Variants in ATP2A2 observed in about 807,000 individuals in gnomAD.
ATP2A2 encodes ATPase sarcoplasmic/endoplasmic reticulum Ca2+ transporting 2, also known as sarcoplasmic/endoplasmic reticulum calcium ATPase 2.
A neutral mutation model predicts 109.3 loss-of-function variants in ATP2A2; 14 were observed. The ratio of observed to expected loss-of-function variants is 0.13; its 90% CI spans 0.08 to 0.20. ATP2A2 has a LOEUF of 0.20. ATP2A2 is among the 10% of genes least tolerant of loss of function. ATP2A2 has a pLI of 1.00. For missense variants in ATP2A2, 657 were observed against 1,321.6 expected (o/e 0.50, Z 7.80); for synonymous variants, 506 against 490.9 (o/e 1.03, Z -0.41).
chr12:110,314,565 A>G (rs1327839348), intron 5 of ATP2A2, among the ~76,000 whole-genome samples: 1 of 152,286 alleles, frequency 6.6e-6, no homozygotes, highest in Non-Finnish European at 1.5e-5. Flanking sequence ...AGTTCATGGT[A>G]TGGTTGTGAA....
At position 110,349,022 on chromosome 12, in the gene ATP2A2, C is replaced by T. The variant is rs1880149026; in HGVS notation, c.*2552C>T. 1 of 985,310 alleles carries T rather than the reference C, an allele frequency of 1.0e-6. No individual in the cohort carries two copies. Among genetic ancestry groups the T allele is most frequent in the African/African-American group, 1.7e-5 (1 of 57,224 alleles). 61.0% of individuals were successfully genotyped at this position (985,310 alleles called of 1,614,324 possible). Reference sequence around the variant, plus strand: ...TGTGTGGCCTGCTGTCGCACAGCCCCTAGTTAGCTTCATGGTTTCTCAGCT... The same window carrying T: ...TGTGTGGCCTGCTGTCGCACAGCCCTTAGTTAGCTTCATGGTTTCTCAGCT... On this transcript the variant is annotated 3_prime_UTR_variant, in exon 20 of 20. Transcript: ENST00000539276.
chr12:110,326,532 T>C (rs551637459), intron 7 of ATP2A2, 57 bp downstream of exon 7: 1 of 1,472,940 alleles, frequency 6.8e-7, no homozygotes, highest in African/African-American at 1.4e-5. Context: ...CCTAATCAAA[T>C]GTTATGTTTT....
At chr12:110,335,933 T>C (rs555868792) in intron 11 of ATP2A2, among the ~76,000 whole-genome samples, 1 of 152,208 alleles carries the variant, frequency 6.6e-6, no homozygotes, top group Non-Finnish European at 1.5e-5. Flanking sequence ...GGTGATTGCT[T>C]GTTGGGCAAG....
At chr12:110,320,849 G>T (rs893965579) in intron 5 of ATP2A2, among the ~76,000 whole-genome samples, 2 of 152,176 alleles carry the variant, frequency 1.3e-5, no homozygotes. Flanking sequence ...TTGTTTTTAT[G>T]CACTCAAATT....
intron 3 of ATP2A2, among the ~76,000 whole-genome samples, chr12:110,291,453 G>T (rs1873285317): frequency 6.6e-6 from 1 of 151,922 alleles, no homozygotes; most frequent in Non-Finnish European, 1.5e-5. Flanking sequence ...TGATCTGCCC[G>T]CCTCAGCCTC....
At chr12:110,323,400 G>T (rs1431997773) in intron 6 of ATP2A2, among the ~76,000 whole-genome samples, 9 of 152,112 alleles carry the variant, frequency 5.9e-5, no homozygotes, top group African/African-American at 1.9e-4. Flanking sequence ...GGTCAGGCTG[G>T]TCTTGAACTC....
chr12:110,346,874 C>T lies in ATP2A2; in HGVS notation c.*404C>T. The T allele has an allele frequency of 9.1e-7, 1 of 1,099,594 alleles. No homozygotes were observed. Among genetic ancestry groups the T allele is most frequent in the Non-Finnish European group, 1.1e-6 (1 of 899,232 alleles). The allele number at this position is 1,099,594 out of a possible 1,614,324, so 68.1% of individuals were successfully genotyped here. A position where few individuals can be genotyped will look rare whatever the true frequency, so the allele number is the denominator to read the frequency against. ...TAAAACTAAATAGCATGTATTGTGT[C>T]TTTTGCATGATGATCCGGATTTAAT... is the stretch of plus-strand genomic sequence containing the variant. On this transcript the variant is annotated 3_prime_UTR_variant, in exon 20 of 20. Transcript: ENST00000539276.
intron 5 of ATP2A2, among the ~76,000 whole-genome samples, chr12:110,310,543 C>A (rs1258089320): frequency 6.6e-6 from 1 of 152,132 alleles, no homozygotes; most frequent in African/African-American, 2.4e-5. Context: ...ATCTTGGTAA[C>A]CCAGGGTTGA....
In ATP2A2 at chr12:110,329,224, T is replaced by C. The variant is rs78963990; in HGVS notation, c.1095+1207T>C. Among the ~76,000 whole-genome samples the C allele has an allele frequency of 5.9e-3, 897 of 152,334 alleles. 3 individuals carry two copies. Among genetic ancestry groups the C allele is most frequent in the African/African-American group, 0.021 (858 of 41,558 alleles). On this transcript the variant is annotated intron_variant, in intron 8 of 19. Coordinates refer to ENST00000539276, the MANE Select transcript of ATP2A2 (RefSeq NM_170665.4). ...ATGTAAATAGTTAAACTGTGTTGTT[T>C]AGGGATAGTTAACCTGTGTTGTTTA...
intron 3 of ATP2A2, among the ~76,000 whole-genome samples, chr12:110,287,500 T>C (rs1872781752): frequency 6.6e-6 from 1 of 152,188 alleles, no homozygotes; most frequent in Non-Finnish European, 1.5e-5. Flanking sequence ...AAGACAGGTA[T>C]TATTGTATTT....
chr12:110,288,912 C>A (rs1036992460), intron 3 of ATP2A2, among the ~76,000 whole-genome samples: 6 of 152,182 alleles, frequency 3.9e-5, no homozygotes, highest in African/African-American at 1.4e-4. Flanking sequence ...TACCCCATCT[C>A]CCTCCCAGTC....
intron 5 of ATP2A2, among the ~76,000 whole-genome samples, chr12:110,307,622 A>T (rs916394914): frequency 6.6e-6 from 1 of 152,016 alleles, no homozygotes; most frequent in African/African-American, 2.4e-5. Flanking sequence ...ATTTTTTCCT[A>T]TGTTGACTAC....
chr12:110,319,942 GT>G (rs1222822979), intron 5 of ATP2A2, among the ~76,000 whole-genome samples: 1 of 152,168 alleles, frequency 6.6e-6, no homozygotes. Context: ...CAGATTTTGA[GT>G]TTTTTGTGTA....
intron 8 of ATP2A2, among the ~76,000 whole-genome samples, chr12:110,329,089 G>A (rs999855468): frequency 6.6e-6 from 1 of 152,168 alleles, no homozygotes. Flanking sequence ...AGATGCTCAA[G>A]TCTCTGAAAT....
Position 110,309,021 on chromosome 12 carries a change from A to T in ATP2A2, c.463+12284A>T, listed in dbSNP as rs3026455. 4.2e-3 allele frequency among the ~76,000 whole-genome samples: 646 copies of T among 152,172 alleles called. 8 individuals carry two copies. Among genetic ancestry groups the T allele is most frequent in the Non-Finnish European group, 4.8e-3 (324 of 68,006 alleles). On this transcript the variant is annotated intron_variant, in intron 5 of 19. Coordinates refer to ENST00000539276, the MANE Select transcript of ATP2A2 (RefSeq NM_170665.4). ...TGTAAGGGTCATCTCCTGACTTTAA[A>T]ATTCTTTGTCAGCTTTTGGAAGATA... is the stretch of plus-strand genomic sequence containing the variant.
In ATP2A2 at chr12:110,347,239, G is replaced by T. The variant is rs975721600; in HGVS notation, c.*769G>T. On this transcript the variant is annotated 3_prime_UTR_variant, in exon 20 of 20. Transcript: ENST00000539276. ...ATGTCTAATGTATTTTATTGTAACA[G>T]ACATTGTTTTGCCAACATTGCCTAT... The T allele has an allele frequency of 8.2e-6, 10 of 1,212,950 alleles. No homozygotes were observed. In the South Asian group the frequency reaches 1.5e-4, roughly 18 times the overall value. 75.1% of individuals were successfully genotyped at this position (1,212,950 alleles called of 1,614,324 possible).
chr12:110,350,213 C>T lies in ATP2A2; in HGVS notation c.*3743C>T. On this transcript the variant is annotated 3_prime_UTR_variant, in exon 20 of 20. Coordinates refer to ENST00000539276, the MANE Select transcript of ATP2A2 (RefSeq NM_170665.4). The stretch of plus-strand genomic sequence containing the variant: ...TTCCTTTTCATCTGTCGCTGTTGAT[C>T]TTCATCTATTTAAATAGGTATTCTA... 2 of 1,613,662 alleles carry T rather than the reference C, an allele frequency of 1.2e-6. No individual in the cohort carries two copies. Among genetic ancestry groups the T allele is most frequent in the South Asian group, 2.2e-5 (2 of 90,976 alleles).
intron 9 of ATP2A2, 40 bp from the exon 10 acceptor site, chr12:110,333,141 C>A: frequency 6.5e-7 from 1 of 1,542,418 alleles, no homozygotes; most frequent in Non-Finnish European, 9.0e-7. Flanking sequence ...TCAATAGTGG[C>A]GACCATACCC....
rs572845740 is a variant in ATP2A2, at chr12:110,342,142, T to C, written c.2098-86T>C. ...AGACCTACGGCTCTATTCATTTTCC[T>C]CCTGCTTCCCATTCAGTGGGCTTTT... On this transcript the variant is annotated intron_variant, in intron 14 of 19. Transcript: ENST00000539276. This position sits in a 1 kb window ranked among gnomAD's most constrained non-coding sequence, Gnocchi z 4.6. The C allele has an allele frequency of 6.8e-7, 1 of 1,474,718 alleles. No homozygotes were observed. Among genetic ancestry groups the C allele is most frequent in the African/African-American group, 1.4e-5 (1 of 72,136 alleles). The allele number at this position is 1,474,718 out of a possible 1,614,324, so 91.4% of individuals were successfully genotyped here.
Sources: allele counts gnomAD v4.1 joint callset (sites outside exome capture counted in the v4.1 genomes callset), GRCh38; gene constraint gnomAD v4.1.1; non-coding constraint Gnocchi (gnomAD v3.1); transcripts MANE v1.5; gene names NCBI Gene and HGNC (gene_info 2026-07-23, HGNC 2026-07-21).